Variants in GABBR2 observed in about 807,000 individuals in gnomAD.
GABBR2 encodes G-protein coupled receptor 51.
A neutral mutation model predicts 105.6 loss-of-function variants in GABBR2; 23 were observed. That is an observed-to-expected ratio of 0.22 (90% CI 0.16 to 0.31). The LOEUF (loss-of-function observed/expected upper bound fraction) is 0.31, where lower values mean the gene tolerates loss of function less well. GABBR2 is among the 10% of genes least tolerant of loss of function. GABBR2 has a pLI of 1.00. For synonymous variants in GABBR2, 478 were observed against 499.7 expected, an observed-to-expected ratio of 0.96 and a Z score of 0.58; for missense variants, 734 against 1,245.5, an observed-to-expected ratio of 0.59 and a Z score of 6.18.
chr9:98,300,410 G>A (rs1339985399), intron 16 of GABBR2, among the ~76,000 whole-genome samples: 4 of 152,132 alleles, frequency 2.6e-5, no homozygotes, highest in Admixed American at 1.3e-4. Flanking sequence ...CTCCCAAAGC[G>A]TTGGGATTAC....
At chr9:98,341,757 G>A (rs978036411) in intron 13 of GABBR2, among the ~76,000 whole-genome samples, 3 of 152,174 alleles carry the variant, frequency 2.0e-5, no homozygotes, top group Non-Finnish European at 2.9e-5. Flanking sequence ...AACATCCTTC[G>A]TAGTAGATGC....
intron 11 of GABBR2, among the ~76,000 whole-genome samples, chr9:98,383,195 C>A (rs1260406120): frequency 6.6e-6 from 1 of 152,188 alleles, no homozygotes; most frequent in Non-Finnish European, 1.5e-5. Flanking sequence ...CCTGCCTCAG[C>A]CTCTCAAAGT....
At chr9:98,358,769 CCA>C (rs1351898092) in intron 13 of GABBR2, among the ~76,000 whole-genome samples, 1 of 152,180 alleles carries the variant, frequency 6.6e-6, no homozygotes, top group African/African-American at 2.4e-5. Flanking sequence ...AGGACCACAG[CCA>C]CACAGTCAGC....
At chr9:98,464,462 C>T (rs960941110) in intron 6 of GABBR2, among the ~76,000 whole-genome samples, 2 of 149,358 alleles carry the variant, frequency 1.3e-5, no homozygotes, top group African/African-American at 4.9e-5. Context: ...TGAGGAGCGC[C>T]TCTGCCTGGC....
intron 1 of GABBR2, chr9:98,607,426 C>T: frequency 1.6e-6 from 1 of 623,558 alleles, no homozygotes; most frequent in South Asian, 2.0e-5. Flanking sequence ...ACACTCACAC[C>T]AGAGGAATGC....
intron 7 of GABBR2, among the ~76,000 whole-genome samples, chr9:98,417,781 T>C (rs2084130000): frequency 6.6e-6 from 1 of 151,678 alleles, no homozygotes; most frequent in African/African-American, 2.4e-5. Context: ...TAGGAGAGAG[T>C]GGGTACAGAG....
intron 3 of GABBR2, among the ~76,000 whole-genome samples, chr9:98,540,858 G>A (rs781517633): frequency 3.9e-5 from 6 of 152,222 alleles, no homozygotes; most frequent in Non-Finnish European, 1.5e-5. Context: ...ATCTGAGTGA[G>A]GCTAATGTTT....
At chr9:98,392,350 C>T (rs1046217908) in intron 9 of GABBR2, among the ~76,000 whole-genome samples, 2 of 152,220 alleles carry the variant, frequency 1.3e-5, no homozygotes, top group African/African-American at 2.4e-5. Context: ...GTTCAGTAAA[C>T]CCTGATCTCC....
intron 1 of GABBR2, among the ~76,000 whole-genome samples, chr9:98,697,347 C>T (rs1422917536): frequency 6.6e-6 from 1 of 152,064 alleles, no homozygotes; most frequent in Admixed American, 6.5e-5. Context: ...AAAAATTAGC[C>T]GGGCGTGGTG....
intron 1 of GABBR2, among the ~76,000 whole-genome samples, chr9:98,579,029 T>C (rs998356664): frequency 5.3e-5 from 8 of 151,902 alleles, no homozygotes; most frequent in Admixed American, 2.0e-4. Flanking sequence ...GTGTTGGAGG[T>C]GGATGATGGT....
At chr9:98,408,053 G>T (rs931937603) in intron 7 of GABBR2, among the ~76,000 whole-genome samples, 4 of 152,112 alleles carry the variant, frequency 2.6e-5, no homozygotes, top group Admixed American at 2.0e-4. Flanking sequence ...ACAGGTCCTG[G>T]TACAGGACAG....
intron 13 of GABBR2, among the ~76,000 whole-genome samples, chr9:98,361,490 C>T (rs1588121891): frequency 6.6e-6 from 1 of 152,188 alleles, no homozygotes; most frequent in East Asian, 1.9e-4. Flanking sequence ...TTTCTAAATT[C>T]TGGTGCTGGG....
chr9:98,461,257 C>T (rs1826419739), intron 6 of GABBR2, among the ~76,000 whole-genome samples: 1 of 152,074 alleles, frequency 6.6e-6, no homozygotes, highest in Non-Finnish European at 1.5e-5. Flanking sequence ...AAAATGACAT[C>T]AGTGCCAAGA....
chr9:98,553,440 CA>C (rs886421851), intron 2 of GABBR2, among the ~76,000 whole-genome samples: 9 of 151,746 alleles, frequency 5.9e-5, no homozygotes, highest in African/African-American at 2.2e-4. Flanking sequence ...CAAAAAAATG[CA>C]AAAAATTAGG....
chr9:98,587,329 T>G (rs1564123125), intron 1 of GABBR2, among the ~76,000 whole-genome samples: 1 of 152,182 alleles, frequency 6.6e-6, no homozygotes, highest in Non-Finnish European at 1.5e-5. Flanking sequence ...CTTCTGTTAA[T>G]GCGGCTTCAG....
At chr9:98,352,024 G>A (rs545525019) in intron 13 of GABBR2, among the ~76,000 whole-genome samples, 1 of 152,312 alleles carries the variant, frequency 6.6e-6, no homozygotes, top group Non-Finnish European at 1.5e-5. Flanking sequence ...GCTGGGTAGG[G>A]TACTTTGGCT....
At chr9:98,329,059 G>A (rs1424053175) in intron 13 of GABBR2, among the ~76,000 whole-genome samples, 1 of 152,178 alleles carries the variant, frequency 6.6e-6, no homozygotes, top group Non-Finnish European at 1.5e-5. Flanking sequence ...AAAGCCCCTA[G>A]ACCAGCGAGT....
At chr9:98,553,553 C>T (rs1396000574) in intron 2 of GABBR2, among the ~76,000 whole-genome samples, 1 of 152,112 alleles carries the variant, frequency 6.6e-6, no homozygotes, top group Non-Finnish European at 1.5e-5. Context: ...GATTGTGCCA[C>T]TGCACTCCAG....
intron 2 of GABBR2, among the ~76,000 whole-genome samples, chr9:98,550,901 C>T (rs1314468057): frequency 6.6e-6 from 1 of 152,020 alleles, no homozygotes; most frequent in Non-Finnish European, 1.5e-5. Flanking sequence ...TTGCAATCTT[C>T]CTGGGGGACA....
Sources: allele counts gnomAD v4.1 joint callset (sites outside exome capture counted in the v4.1 genomes callset), GRCh38; gene constraint gnomAD v4.1.1; transcripts MANE v1.5; gene names NCBI Gene and HGNC (gene_info 2026-07-23, HGNC 2026-07-21).